The following ERN1 variants were observed in gnomAD, a reference collection of about 807,000 sequenced individuals.
ERN1 encodes endoplasmic reticulum to nucleus signaling 1.
Under a neutral mutation model 113.1 loss-of-function variants are expected in ERN1, and 39 were observed. That is an observed-to-expected ratio of 0.34 (90% CI 0.27 to 0.45). The LOEUF is 0.45. Among genes scored for constraint, ERN1 ranks in the 20% least tolerant of loss-of-function variants. ERN1 has a pLI of 1.00. For missense variants in ERN1, 976 were observed against 1,274.8 expected, an observed-to-expected ratio of 0.77 and a Z score of 3.57; for synonymous variants, 507 against 515.9, an observed-to-expected ratio of 0.98 and a Z score of 0.23.
intron 6 of ERN1, among the ~76,000 whole-genome samples, chr17:64,071,260 T>A (rs914688942): frequency 7.9e-5 from 12 of 152,058 alleles, no homozygotes; most frequent in African/African-American, 2.7e-4. Flanking sequence ...AGAAGAGGCT[T>A]CACAGAGAAG....
intron 1 of ERN1, among the ~76,000 whole-genome samples, chr17:64,123,184 C>G (rs1567890090): frequency 6.6e-6 from 1 of 152,012 alleles, no homozygotes; most frequent in South Asian, 2.1e-4. Context: ...AGTCTTAAGG[C>G]AAAAGTTTTA....
In ERN1 at chr17:64,130,093, C is replaced by A; in HGVS notation, c.-64G>T. 1.6e-6 allele frequency: 2 copies of A among 1,277,058 alleles called. No individual in the cohort carries two copies. The highest frequency in any genetic ancestry group is 2.0e-6 in the Non-Finnish European group (2 of 1,007,326). The allele number at this position is 1,277,058 out of a possible 1,614,324, so 79.1% of individuals were successfully genotyped here. ...AGAGGACGGGGCGGGGGCGCCGCGA[C>A]GACAGCGAGGCGGTGACCGAGCCTC... On this transcript the variant is annotated 5_prime_UTR_variant, in exon 1 of 22. Coordinates refer to ENST00000433197, the MANE Select transcript of ERN1 (RefSeq NM_001433.5). This position sits in a 1 kb window ranked among gnomAD's most constrained non-coding sequence, Gnocchi z 4.0.
intron 1 of ERN1, among the ~76,000 whole-genome samples, chr17:64,125,446 A>C (rs1915055679): frequency 6.6e-6 from 1 of 152,160 alleles, no homozygotes; most frequent in Admixed American, 6.5e-5. Context: ...TTATAACCCC[A>C]GTCCCCAACC....
Position 64,055,744 on chromosome 17 carries a change from GGT to G in ERN1, c.1601_1602del (p.Asn534ThrfsTer25). ...SSPSTSPRAS[N>X]HSLCSGSSAS... ...GCAGAGCTGCCGGAGCAGAGCGAGTGGTTGGAGGCCCTGGGGGACGTGCTGGG... is the reference window on the plus strand; with the variant it reads ...GCAGAGCTGCCGGAGCAGAGCGAGTGTGGAGGCCCTGGGGGACGTGCTGGG... On this transcript the variant is annotated frameshift_variant, in exon 13 of 22. Coordinates refer to ENST00000433197, the MANE Select transcript of ERN1 (RefSeq NM_001433.5). LOFTEE classifies it high-confidence loss of function. 1.2e-6 allele frequency: 2 copies of G among 1,612,010 alleles called. No homozygotes were observed. The highest frequency in any genetic ancestry group is 2.7e-5 in the African/African-American group (2 of 75,044).
intron 17 of ERN1, among the ~76,000 whole-genome samples, chr17:64,050,278 G>A (rs779488317): frequency 2.6e-5 from 4 of 152,142 alleles, no homozygotes; most frequent in Non-Finnish European, 5.9e-5. Context: ...GACTCCCAGA[G>A]CTCTCTGGGT....
chr17:64,054,034 G>A lies in ERN1; in HGVS notation c.1953+216C>T. On this transcript the variant is annotated intron_variant, in intron 15 of 21. Coordinates refer to ENST00000433197, the MANE Select transcript of ERN1 (RefSeq NM_001433.5). The surrounding 1 kb of genome is among the most constrained non-coding windows in gnomAD (Gnocchi z 4.9). ...TGCTTACTGCAGCCTTGATCTCCCAGGCTCAAGCAATCTTCCCACCTCAGC... is the reference window on the plus strand; with the variant it reads ...TGCTTACTGCAGCCTTGATCTCCCAAGCTCAAGCAATCTTCCCACCTCAGC... 1 of 484,824 alleles carries A rather than the reference G, an allele frequency of 2.1e-6. No homozygotes were observed. Among genetic ancestry groups the A allele is most frequent in the South Asian group, 2.6e-5 (1 of 38,994 alleles). 30.0% of individuals were successfully genotyped at this position (484,824 alleles called of 1,614,324 possible).
chr17:64,094,231 C>T (rs1037623138), intron 2 of ERN1, among the ~76,000 whole-genome samples: 12 of 152,182 alleles, frequency 7.9e-5, no homozygotes, highest in Non-Finnish European at 1.2e-4. Context: ...AACAGTTCAC[C>T]GTCCTGGAAA....
chr17:64,087,702 T>C (rs1215956559), intron 2 of ERN1, among the ~76,000 whole-genome samples: 1 of 150,942 alleles, frequency 6.6e-6, no homozygotes, highest in Non-Finnish European at 1.5e-5. Flanking sequence ...AATGAAAAGT[T>C]AAAAAAAAAG....
intron 15 of ERN1, chr17:64,053,950 T>A (rs196930): frequency 0.97 from 272,219 of 280,068 alleles, 132,800 homozygotes; most frequent in East Asian, 1. Context: ...CTGTAACTTT[T>A]TTTTAATTTG....
rs550054693 is a variant in ERN1, at chr17:64,048,065, C to T, written c.2402-80G>A. 6.3e-5 allele frequency: 78 copies of T among 1,233,374 alleles called. No individual in the cohort carries two copies. The African/African-American group carries it at 9.6e-4, about 15-fold the overall frequency. 76.4% of individuals were successfully genotyped at this position (1,233,374 alleles called of 1,614,324 possible). On this transcript the variant is annotated intron_variant, in intron 18 of 21. Transcript: ENST00000433197. Reference sequence around the variant, plus strand: ...ATACCAAAAACTTTAAAAAGCTGCACACCCTCTCATTTATGATTCTATTTA... The same window carrying T: ...ATACCAAAAACTTTAAAAAGCTGCATACCCTCTCATTTATGATTCTATTTA...
intron 17 of ERN1, among the ~76,000 whole-genome samples, chr17:64,052,196 T>C (rs1017655167): frequency 3.9e-5 from 6 of 152,026 alleles, no homozygotes. Context: ...TCTAAAAAAT[T>C]TTTTTCTTTT....
intron 6 of ERN1, among the ~76,000 whole-genome samples, chr17:64,070,719 T>A (rs1343546214): frequency 2.6e-5 from 4 of 152,254 alleles, no homozygotes; most frequent in Non-Finnish European, 5.9e-5. Flanking sequence ...CTAAATGTAG[T>A]GCTCAATTGT....
intron 2 of ERN1, among the ~76,000 whole-genome samples, chr17:64,090,356 G>A (rs1380317878): frequency 2.0e-5 from 3 of 152,212 alleles, no homozygotes; most frequent in African/African-American, 4.8e-5. Context: ...AAAAGCAGCT[G>A]AAGTCTACTG....
At chr17:64,122,958 G>A (rs1193681958) in intron 1 of ERN1, among the ~76,000 whole-genome samples, 1 of 152,044 alleles carries the variant, frequency 6.6e-6, no homozygotes, top group Non-Finnish European at 1.5e-5. Flanking sequence ...GAATAAATTT[G>A]CAGGAAAAGC....
intron 2 of ERN1, among the ~76,000 whole-genome samples, chr17:64,095,988 G>A (rs557492170): frequency 1.3e-4 from 20 of 152,280 alleles, no homozygotes; most frequent in African/African-American, 3.6e-4. Flanking sequence ...TACAGGACTC[G>A]GCTGTGTTGA....
rs759037875 is a variant in ERN1 at position 64,049,097 on chromosome 17, G to A, written c.2359C>T (p.Leu787=). 1 of 1,607,838 alleles carries A rather than the reference G, an allele frequency of 6.2e-7. No homozygotes were observed. The highest frequency in any genetic ancestry group is 1.1e-5 in the South Asian group (1 of 90,828). The change falls in exon 18 of 22, where the codon CTG becomes TTG. Residue 787 remains leucine (L), a synonymous_variant. Coordinates refer to ENST00000433197, the MANE Select transcript of ERN1 (RefSeq NM_001433.5). The surrounding 1 kb of genome is among the most constrained non-coding windows in gnomAD (Gnocchi z 4.7). ...AAGCAGTCAAGGCTGCAGGCACCCA[G>A]GAGGATGTTGGCCTGCCGCTGCAGG... ...KSLQRQANIL[L]GACSLDCLHP...
intron 3 of ERN1, chr17:64,080,274 C>T (rs551390359): frequency 6.3e-6 from 1 of 158,944 alleles, no homozygotes; most frequent in South Asian, 1.8e-4. Context: ...TCAGTAGCTT[C>T]CCTTGAAGCA....
At position 64,057,882 on chromosome 17, in the gene ERN1, T is replaced by A; in HGVS notation, c.1318A>T (p.Met440Leu). 1.2e-6 allele frequency: 2 copies of A among 1,613,888 alleles called. No homozygotes were observed. The highest frequency in any genetic ancestry group is 1.7e-6 in the Non-Finnish European group (2 of 1,179,840). Reference protein sequence around the residue: ...PARPEAPVDSMLKDMATIILS... With the variant: ...PARPEAPVDSLLKDMATIILS... ...ATGATGGTAGCCATGTCCTTAAGCA[T>A]GGAGTCCACGGGGGCCTCGGGCCGG... is the stretch of plus-strand genomic sequence containing the variant. The change falls in exon 12 of 22, where the codon ATG becomes TTG. Residue 440 changes from methionine to leucine, a missense_variant. Around this residue, in one of 5 missense-constraint regions of ERN1, gnomAD observed 459 missense variants for 581.2 expected, o/e 0.79. Coordinates refer to ENST00000433197, the MANE Select transcript of ERN1 (RefSeq NM_001433.5).
intron 2 of ERN1, among the ~76,000 whole-genome samples, chr17:64,096,056 G>A (rs1914220359): frequency 6.6e-6 from 1 of 152,180 alleles, no homozygotes; most frequent in Non-Finnish European, 1.5e-5. Flanking sequence ...TTGAGGACAA[G>A]GTCTGCCTTT....
Sources: allele counts gnomAD v4.1 joint callset (sites outside exome capture counted in the v4.1 genomes callset), GRCh38; gene constraint gnomAD v4.1.1; regional missense constraint gnomAD v4.1.1; non-coding constraint Gnocchi (gnomAD v3.1); transcripts MANE v1.5; gene names NCBI Gene and HGNC (gene_info 2026-07-23, HGNC 2026-07-21).